The following DPP10 variants were observed in gnomAD, a reference collection of about 807,000 sequenced individuals.
The protein encoded by DPP10 is inactive dipeptidyl peptidase 10.
Under a neutral mutation model 120.9 loss-of-function variants are expected in DPP10, and 33 were observed. That is an observed-to-expected ratio of 0.27 (90% confidence interval 0.21 to 0.37). The LOEUF (loss-of-function observed/expected upper bound fraction) is 0.37. DPP10 is among the 10% of genes least tolerant of loss of function. The pLI, the probability that DPP10 is intolerant of heterozygous loss-of-function variation, is 1.00. For missense variants in DPP10, 816 were observed against 942.8 expected (o/e 0.87, Z 1.76); for synonymous variants, 337 against 326.1 (o/e 1.03, Z -0.36).
At chr2:114,481,868 GGAGA>G (rs751648693) in intron 1 of DPP10, among the ~76,000 whole-genome samples, 35 of 148,932 alleles carry the variant, frequency 2.4e-4, no homozygotes, top group Middle Eastern at 3.5e-3. Context: ...TTCTTCACAA[GGAGA>G]GAGAGAGAGA....
intron 1 of DPP10, among the ~76,000 whole-genome samples, chr2:115,192,482 T>C (rs1207185592): frequency 6.6e-6 from 1 of 152,218 alleles, no homozygotes; most frequent in Non-Finnish European, 1.5e-5. Context: ...CCCCAGTGGG[T>C]CCCTTGATGC....
intron 5 of DPP10, among the ~76,000 whole-genome samples, chr2:115,554,219 CAT>C (rs1180587205): frequency 4.0e-5 from 6 of 151,656 alleles, no homozygotes; most frequent in Non-Finnish European, 8.8e-5. Context: ...AATTATGTCA[CAT>C]GTGAAAAAAT....
At chr2:114,528,043 A>G (rs943298028) in intron 1 of DPP10, among the ~76,000 whole-genome samples, 5 of 152,142 alleles carry the variant, frequency 3.3e-5, no homozygotes, top group Admixed American at 6.5e-5. Context: ...TGGAGTGTCA[A>G]TGCAAAGTGG....
intron 5 of DPP10, among the ~76,000 whole-genome samples, chr2:115,626,730 GT>G (rs2085397147): frequency 6.6e-6 from 1 of 152,094 alleles, no homozygotes; most frequent in African/African-American, 2.4e-5. Flanking sequence ...GTATAACCCT[GT>G]TAGACATAGA....
intron 1 of DPP10, among the ~76,000 whole-genome samples, chr2:114,690,178 A>G (rs1338873107): frequency 6.6e-6 from 1 of 152,020 alleles, no homozygotes; most frequent in East Asian, 1.9e-4. Flanking sequence ...ACTGAATGGT[A>G]TTGCCTAGAC....
intron 1 of DPP10, among the ~76,000 whole-genome samples, chr2:114,927,381 G>A (rs1695713985): frequency 6.6e-6 from 1 of 151,838 alleles, no homozygotes. Context: ...TCAGGGCATA[G>A]CTTGGTCTTA....
At chr2:115,732,121 T>C (rs1310148776) in intron 8 of DPP10, among the ~76,000 whole-genome samples, 1 of 152,218 alleles carries the variant, frequency 6.6e-6, no homozygotes, top group Admixed American at 6.5e-5. Flanking sequence ...TTTATTACTT[T>C]ACAGGAGTCA....
At chr2:115,308,401 A>AT (rs2061443691) in intron 1 of DPP10, among the ~76,000 whole-genome samples, 2 of 152,116 alleles carry the variant, frequency 1.3e-5, no homozygotes, top group Admixed American at 1.3e-4. Context: ...GAAGAAAAAA[A>AT]TGAGAAGCTC....
At chr2:115,187,540 G>A (rs1396237429) in intron 1 of DPP10, among the ~76,000 whole-genome samples, 1 of 152,154 alleles carries the variant, frequency 6.6e-6, no homozygotes, top group Non-Finnish European at 1.5e-5. Context: ...AGTTTTTTAG[G>A]CTTGGTTTAT....
chr2:115,801,726 G>A (rs1685262201), intron 19 of DPP10, among the ~76,000 whole-genome samples: 1 of 152,086 alleles, frequency 6.6e-6, no homozygotes, highest in Non-Finnish European at 1.5e-5. Flanking sequence ...TTTATATGCT[G>A]GATTACGTTT....
chr2:115,706,289 T>C (rs1200897415), intron 7 of DPP10, among the ~76,000 whole-genome samples: 4 of 151,954 alleles, frequency 2.6e-5, no homozygotes, highest in African/African-American at 9.7e-5. Context: ...AATATTTTAG[T>C]CATTTAGAAA....
intron 7 of DPP10, among the ~76,000 whole-genome samples, chr2:115,727,052 C>T (rs566339839): frequency 1.2e-4 from 18 of 152,168 alleles, no homozygotes; most frequent in African/African-American, 2.9e-4. Context: ...CATTGTAAAG[C>T]GAATTATAAA....
intron 1 of DPP10, among the ~76,000 whole-genome samples, chr2:115,185,157 C>T (rs1355033808): frequency 6.6e-6 from 1 of 151,982 alleles, no homozygotes; most frequent in African/African-American, 2.4e-5. Flanking sequence ...ACAATGACAT[C>T]GTTAAATATT....
chr2:114,672,384 A>C (rs1698403407), intron 1 of DPP10, among the ~76,000 whole-genome samples: 1 of 152,048 alleles, frequency 6.6e-6, no homozygotes, highest in Admixed American at 6.6e-5. Flanking sequence ...TTTCCTTCCC[A>C]TTCTCCTACA....
intron 5 of DPP10, among the ~76,000 whole-genome samples, chr2:115,641,205 C>G (rs1283065051): frequency 2.0e-5 from 3 of 152,124 alleles, no homozygotes; most frequent in African/African-American, 7.2e-5. Flanking sequence ...AATGATCTGC[C>G]TGTGTTCTGT....
At chr2:115,778,386 A>C (rs1682378750) in intron 15 of DPP10, among the ~76,000 whole-genome samples, 1 of 152,074 alleles carries the variant, frequency 6.6e-6, no homozygotes, top group Admixed American at 6.6e-5. Flanking sequence ...ATATAGGGGA[A>C]AATAATTACA....
At chr2:115,193,896 G>A (rs2055062049) in intron 1 of DPP10, among the ~76,000 whole-genome samples, 1 of 152,074 alleles carries the variant, frequency 6.6e-6, no homozygotes, top group African/African-American at 2.4e-5. Context: ...AGGTCTGGTC[G>A]GGCCTTTGTA....
At chr2:114,448,168 T>C (rs1678046182) in intron 1 of DPP10, among the ~76,000 whole-genome samples, 1 of 152,196 alleles carries the variant, frequency 6.6e-6, no homozygotes, top group Non-Finnish European at 1.5e-5. Context: ...TTTTATAGCT[T>C]AGATCTTCAT....
intron 1 of DPP10, among the ~76,000 whole-genome samples, chr2:115,287,405 A>G (rs928701104): frequency 6.6e-6 from 1 of 152,196 alleles, no homozygotes; most frequent in East Asian, 1.9e-4. Flanking sequence ...AATAGTGAAC[A>G]TTGTATTCAA....
Sources: gnomAD v4.1 joint callset for allele counts (sites outside exome capture counted in the v4.1 genomes callset) on GRCh38, gnomAD v4.1.1 for gene constraint, MANE v1.5 for transcripts, NCBI Gene and HGNC (gene_info 2026-07-23, HGNC 2026-07-21) for gene names.